The following HEATR3 variants were observed in gnomAD, a reference collection of about 807,000 sequenced individuals.
HEATR3 encodes the protein HEAT repeat-containing protein 3.
In HEATR3, 56 loss-of-function variants were observed where a neutral mutation model predicts 72.8. That is an observed-to-expected ratio of 0.77 (90% confidence interval 0.62 to 0.96). The LOEUF is 0.96. Among genes scored for constraint, HEATR3 ranks in the 40% least tolerant of loss-of-function variants. The pLI is 0.00. For synonymous variants in HEATR3, 331 were observed against 318.1 expected, an observed-to-expected ratio of 1.04 and a Z score of -0.43; for missense variants, 747 against 831.4, an observed-to-expected ratio of 0.90 and a Z score of 1.25.
At position 50,066,196 on chromosome 16, in the gene HEATR3, C is replaced by G. The variant is rs767619334; in HGVS notation, c.65C>G (p.Ala22Gly). 5 of 1,586,954 alleles carry G rather than the reference C, an allele frequency of 3.2e-6. No homozygotes were observed. In the South Asian group the frequency reaches 5.7e-5, roughly 18 times the overall value. The change falls in exon 1 of 15, where the codon GCC becomes GGC. Residue 22 changes from alanine (A) to glycine (G), a missense_variant. This residue lies in a region of HEATR3 where 161 missense variants were observed against 122.6 expected (regional missense o/e 1.31). Transcript: ENST00000299192. Reference protein sequence around the residue: ...PQFSPTGDCQAEAAAAANGTG... With the variant: ...PQFSPTGDCQGEAAAAANGTG... ...TTCTCCCCTACGGGCGACTGTCAGG[C>G]CGAGGCGGCTGCGGCGGCGAATGGG...
chr16:50,093,378 G>A (rs1291737047), intron 11 of HEATR3, among the ~76,000 whole-genome samples: 2 of 152,140 alleles, frequency 1.3e-5, no homozygotes, highest in Admixed American at 1.3e-4. Flanking sequence ...AGTGGAGATG[G>A]CTTTTTCCTA....
intron 11 of HEATR3, among the ~76,000 whole-genome samples, chr16:50,092,475 C>T (rs1486064447): frequency 1.6e-4 from 20 of 124,668 alleles, no homozygotes; most frequent in African/African-American, 3.4e-4. Flanking sequence ...CTGGCTCTGT[C>T]GCCCAGGCTG....
chr16:50,087,692 T>C (rs1448867377), intron 11 of HEATR3, among the ~76,000 whole-genome samples: 1 of 152,196 alleles, frequency 6.6e-6, no homozygotes, highest in Non-Finnish European at 1.5e-5. Context: ...CAGGTGTCTT[T>C]CAGGATTTTT....
intron 7 of HEATR3, among the ~76,000 whole-genome samples, chr16:50,082,941 C>T (rs1035870467): frequency 2.6e-5 from 4 of 152,056 alleles, no homozygotes; most frequent in Admixed American, 6.6e-5. Context: ...CAGGCATGCA[C>T]CGCCATGCCT....
At chr16:50,078,674 G>A in intron 6 of HEATR3, 67 bp from the exon 7 acceptor site, 1 of 1,493,298 alleles carries the variant, frequency 6.7e-7, no homozygotes, top group Non-Finnish European at 9.0e-7. Context: ...CTCCAGTCTT[G>A]TGAAAACTTA....
At chr16:50,095,153 G>T (rs1224672838) in intron 12 of HEATR3, among the ~76,000 whole-genome samples, 1 of 149,210 alleles carries the variant, frequency 6.7e-6, no homozygotes, top group South Asian at 2.1e-4. Flanking sequence ...TTCCTCTGTC[G>T]CCCAGGCTGG....
At chr16:50,095,253 A>G (rs1376981225) in intron 12 of HEATR3, among the ~76,000 whole-genome samples, 1 of 152,004 alleles carries the variant, frequency 6.6e-6, no homozygotes. Context: ...AAATGGGATT[A>G]CAGGCATGCG....
At position 50,102,268 on chromosome 16, in the gene HEATR3, T is replaced by C. The variant is rs2037384419; in HGVS notation, c.1753T>C (p.Cys585Arg). Residue 585 changes from cysteine to arginine, a missense_variant, in exon 14 of 15, where the codon TGC (cysteine) becomes CGC (arginine). This residue lies in a region of HEATR3 where 586 missense variants were observed against 708.8 expected (regional missense o/e 0.83). Coordinates refer to ENST00000299192, the MANE Select transcript of HEATR3 (RefSeq NM_182922.4). ...GTLETLKNIGCFLLEVTTKDP... is the reference protein window; with the variant it reads ...GTLETLKNIGRFLLEVTTKDP... ...GTTTTGTTGTTTCCAGAACATTGGG[T>C]GCTTTCTGCTTGAAGTTACCACCAA... 1 of 1,612,224 alleles carries C rather than the reference T, an allele frequency of 6.2e-7. No homozygotes were observed. Among genetic ancestry groups the C allele is most frequent in the Non-Finnish European group, 8.5e-7 (1 of 1,179,602 alleles).
chr16:50,067,287 C>T (rs551636230), intron 2 of HEATR3, among the ~76,000 whole-genome samples: 18 of 151,216 alleles, frequency 1.2e-4, no homozygotes, highest in Non-Finnish European at 2.2e-4. Flanking sequence ...CCCAGGAGTT[C>T]GAGGCTGCAG....
intron 3 of HEATR3, among the ~76,000 whole-genome samples, chr16:50,069,463 C>T (rs2036565499): frequency 6.6e-6 from 1 of 152,150 alleles, no homozygotes; most frequent in Non-Finnish European, 1.5e-5. Flanking sequence ...CATTTTAGAG[C>T]AGTGATTCTC....
At chr16:50,069,234 C>T (rs1039632335) in intron 3 of HEATR3, 2 of 163,726 alleles carry the variant, frequency 1.2e-5, no homozygotes, top group Admixed American at 5.9e-5. Flanking sequence ...GGTATTATTC[C>T]CATTTTACAG....
chr16:50,101,679 T>A lies in HEATR3; in HGVS notation c.1744-580T>A, dbSNP rs147430404. Among the ~76,000 whole-genome samples the A allele has an allele frequency of 6.9e-3, 1,045 of 152,288 alleles. 6 individuals are homozygous for A. The highest frequency in any genetic ancestry group is 0.048 in the Middle Eastern group (14 of 294). On this transcript the variant is annotated intron_variant, in intron 13 of 14. Coordinates refer to ENST00000299192, the MANE Select transcript of HEATR3 (RefSeq NM_182922.4). Reference sequence around the variant, plus strand: ...TGCTACCTTGTGGTGGTAAATTTGTTTTTTTATCCTTGTATTTCCTACAAA... The same window carrying A: ...TGCTACCTTGTGGTGGTAAATTTGTATTTTTATCCTTGTATTTCCTACAAA...
At chr16:50,082,859 C>T (rs1204834022) in intron 7 of HEATR3, among the ~76,000 whole-genome samples, 7 of 150,844 alleles carry the variant, frequency 4.6e-5, no homozygotes, top group African/African-American at 1.7e-4. Flanking sequence ...GGTACAATCT[C>T]GGCTCACTGC....
chr16:50,077,877 A>ATTTTTTTT (rs56374170), intron 6 of HEATR3, among the ~76,000 whole-genome samples: 68,087 of 104,238 alleles, frequency 0.65, 23,792 homozygotes, highest in Admixed American at 0.72. Context: ...AATGGATGTA[A>ATTTTTTTT]TTTTTTTTTT....
chr16:50,076,221 G>A (rs2036724570), intron 6 of HEATR3, among the ~76,000 whole-genome samples: 1 of 151,208 alleles, frequency 6.6e-6, no homozygotes, highest in African/African-American at 2.4e-5. Context: ...GTTTTGAGAT[G>A]GAGTCTGGCT....
chr16:50,107,203 C>CA lies in HEATR3; in HGVS notation c.*2143dup, dbSNP rs1415837760. On this transcript the variant is annotated 3_prime_UTR_variant, in exon 15 of 15. Transcript: ENST00000299192. ...TAAACAATATCCAGGATATTTAGCA[C>CA]AGGACCTAGTATATAGTCGACTCTT... Among the ~76,000 whole-genome samples, 1 of 152,200 alleles carries CA rather than the reference C, an allele frequency of 6.6e-6. No individual in the cohort carries two copies. The highest frequency in any genetic ancestry group is 1.5e-5 in the Non-Finnish European group (1 of 68,022).
At chr16:50,096,544 A>G (rs2037242450) in intron 12 of HEATR3, among the ~76,000 whole-genome samples, 1 of 152,156 alleles carries the variant, frequency 6.6e-6, no homozygotes, top group Admixed American at 6.5e-5. Context: ...CACGCCTGTA[A>G]TCCCAGCACT....
chr16:50,083,338 G>A (rs914654365), intron 7 of HEATR3, among the ~76,000 whole-genome samples: 3 of 151,878 alleles, frequency 2.0e-5, no homozygotes, highest in Admixed American at 1.3e-4. Context: ...TTAAGTTGGC[G>A]TTATATATTT....
intron 11 of HEATR3, among the ~76,000 whole-genome samples, 186 bp downstream of exon 11, chr16:50,086,537 G>A (rs1385000658): frequency 2.0e-5 from 3 of 152,046 alleles, no homozygotes; most frequent in Non-Finnish European, 4.4e-5. Flanking sequence ...GCAGCTCCTG[G>A]GCTTATAATT....
Sources: gnomAD v4.1 joint callset for allele counts (sites outside exome capture counted in the v4.1 genomes callset) on GRCh38, gnomAD v4.1.1 for gene constraint, gnomAD v4.1.1 regional missense constraint, MANE v1.5 for transcripts, NCBI Gene and HGNC (gene_info 2026-07-23, HGNC 2026-07-21) for gene names.